Variants in NEK10 observed in about 807,000 individuals in gnomAD.
The protein encoded by NEK10 is serine/threonine-protein kinase Nek10.
Under a neutral mutation model 159.8 loss-of-function variants are expected in NEK10, and 122 were observed. That is an observed-to-expected ratio of 0.76 (90% confidence interval 0.66 to 0.89). NEK10 has a LOEUF of 0.89. NEK10 is among the 40% of genes least tolerant of loss of function. NEK10 has a pLI of 0.00. For missense variants in NEK10, 1,342 were observed against 1,323.1 expected (o/e 1.01, Z -0.22); for synonymous variants, 466 against 457.1 (o/e 1.02, Z -0.25).
intron 2 of NEK10, 53 bp from the exon 3 acceptor site, chr3:27,352,578 G>C: frequency 7.5e-7 from 1 of 1,341,164 alleles, no homozygotes; most frequent in Non-Finnish European, 1.1e-6. Context: ...AGGTGAACAA[G>C]ATCGTGTTAC....
intron 5 of NEK10, among the ~76,000 whole-genome samples, chr3:27,331,605 C>G (rs1677962181): frequency 6.6e-6 from 1 of 152,120 alleles, no homozygotes; most frequent in South Asian, 2.1e-4. Flanking sequence ...ATGCTGAGGA[C>G]CAGGTAAAGC....
Position 27,188,303 on chromosome 3 carries a change from C to A in NEK10, c.2505+3726G>T, listed in dbSNP as rs181110212. Among the ~76,000 whole-genome samples, 35 of 152,312 alleles carry A rather than the reference C, an allele frequency of 2.3e-4. No individual in the cohort carries two copies. In the East Asian group the frequency reaches 6.6e-3, roughly 29 times the overall value. ...GAAAGTTCCTCCTGCATATGCACAT[C>A]TATCTTGTCTTTCCAAGTAGATTAT... On this transcript the variant is annotated intron_variant, in intron 26 of 35. Transcript: ENST00000691995.
chr3:27,201,692 C>A, intron 24 of NEK10, 112 bp from the exon 25 acceptor site: 1 of 738,872 alleles, frequency 1.4e-6, no homozygotes, highest in South Asian at 1.9e-5. Flanking sequence ...TAACTTCACA[C>A]ATAAATTTTA....
intron 33 of NEK10, among the ~76,000 whole-genome samples, chr3:27,116,400 G>T (rs1039737152): frequency 6.6e-6 from 1 of 152,000 alleles, no homozygotes; most frequent in Non-Finnish European, 1.5e-5. Context: ...AAAGTTAGAG[G>T]TGTGTGTGTG....
At position 27,174,482 on chromosome 3, in the gene NEK10, G is replaced by A. The variant is rs1367759839; in HGVS notation, c.2733C>T (p.Asn911=). The A allele has an allele frequency of 3.1e-6, 5 of 1,612,352 alleles. No individual in the cohort carries two copies. Among genetic ancestry groups the A allele is most frequent in the East Asian group, 4.5e-5 (2 of 44,882 alleles). The change falls in exon 28 of 36, where the codon AAC becomes AAT. Residue 911 remains asparagine, a synonymous_variant. Transcript: ENST00000691995. The part of the protein sequence containing the change: ...EVDDELDISD[N]SSSSSSSPLK... ...GAGGGCTTGAACTGGAGCTGCTGGA[G>A]TTATCCGAAATGTCCAATTCATCAT...
intron 3 of NEK10, among the ~76,000 whole-genome samples, chr3:27,352,105 T>C (rs181868253): frequency 1.6e-4 from 25 of 151,776 alleles, no homozygotes; most frequent in African/African-American, 5.8e-4. Flanking sequence ...AGGAGAAAAA[T>C]GTGGTAGAAA....
At chr3:27,111,395 G>A (rs1359059535) in intron 35 of NEK10, 75 bp from the exon 36 acceptor site, 1 of 1,132,526 alleles carries the variant, frequency 8.8e-7, no homozygotes, top group Non-Finnish European at 1.3e-6. Flanking sequence ...TTCAAAAACT[G>A]GGGCTCAGGC....
chr3:27,170,366 T>C (rs1209737408), intron 29 of NEK10, among the ~76,000 whole-genome samples: 1 of 152,208 alleles, frequency 6.6e-6, no homozygotes, highest in Non-Finnish European at 1.5e-5. Context: ...TGGCTGCTCC[T>C]AGCTGAATAT....
chr3:27,250,229 C>T (rs898486627), intron 23 of NEK10, among the ~76,000 whole-genome samples: 1 of 151,660 alleles, frequency 6.6e-6, no homozygotes, highest in Non-Finnish European at 1.5e-5. Context: ...CTCTGTCACC[C>T]AGGCTGGAGT....
chr3:27,316,260 G>T (rs1225581603), intron 6 of NEK10, among the ~76,000 whole-genome samples: 1 of 152,140 alleles, frequency 6.6e-6, no homozygotes, highest in Non-Finnish European at 1.5e-5. Context: ...TCAGGTGGGG[G>T]TCAGTGACAG....
intron 28 of NEK10, among the ~76,000 whole-genome samples, chr3:27,172,242 G>A (rs760256140): frequency 6.7e-6 from 1 of 149,864 alleles, no homozygotes; most frequent in Non-Finnish European, 1.5e-5. Context: ...GGCTAAGGCA[G>A]GAGAATCGCT....
At chr3:27,230,474 T>C (rs1953121041) in intron 23 of NEK10, among the ~76,000 whole-genome samples, 2 of 151,754 alleles carry the variant, frequency 1.3e-5, no homozygotes, top group Admixed American at 1.3e-4. Context: ...AAAAAAAGTA[T>C]CTAGGTAACA....
intron 25 of NEK10, among the ~76,000 whole-genome samples, chr3:27,195,134 T>C (rs748541851): frequency 1.3e-5 from 2 of 152,220 alleles, no homozygotes; most frequent in African/African-American, 2.4e-5. Flanking sequence ...AAAGAAGATA[T>C]ATATGATTAG....
chr3:27,291,844 A>T (rs2043020551), intron 16 of NEK10, among the ~76,000 whole-genome samples: 1 of 152,012 alleles, frequency 6.6e-6, no homozygotes, highest in Non-Finnish European at 1.5e-5. Flanking sequence ...GGGTTTCACC[A>T]TGTTAGCCAG....
At chr3:27,160,448 G>GA (rs1446445886) in intron 30 of NEK10, among the ~76,000 whole-genome samples, 5 of 152,076 alleles carry the variant, frequency 3.3e-5, no homozygotes, top group African/African-American at 1.2e-4. Context: ...ATAGTTAATG[G>GA]AAAAAACCTT....
intron 23 of NEK10, among the ~76,000 whole-genome samples, chr3:27,233,281 A>C (rs1953508798): frequency 6.6e-6 from 1 of 152,150 alleles, no homozygotes; most frequent in Non-Finnish European, 1.5e-5. Context: ...ACCAGCAAAC[A>C]TATGAAAAAT....
intron 5 of NEK10, among the ~76,000 whole-genome samples, chr3:27,322,978 T>C (rs6806118): frequency 0.027 from 4,139 of 152,272 alleles, 192 homozygotes; most frequent in African/African-American, 0.094. Flanking sequence ...CCCTGGGAGT[T>C]CTCTGCAGCC....
intron 6 of NEK10, 150 bp from the exon 7 acceptor site, chr3:27,314,488 G>A (rs1211427234): frequency 1.6e-6 from 1 of 624,446 alleles, no homozygotes; most frequent in East Asian, 2.7e-5. Context: ...CTTACAGTAT[G>A]TCATTCATAC....
chr3:27,214,971 C>T, intron 23 of NEK10: 1 of 746,632 alleles, frequency 1.3e-6, no homozygotes, highest in Non-Finnish European at 2.4e-6. Flanking sequence ...TCTTCACGAC[C>T]ACATCCGCCA....
Sources: gnomAD v4.1 joint callset for allele counts (sites outside exome capture counted in the v4.1 genomes callset) on GRCh38, gnomAD v4.1.1 for gene constraint, MANE v1.5 for transcripts, NCBI Gene and HGNC (gene_info 2026-07-23, HGNC 2026-07-21) for gene names.